The following NLRP1 variants were observed in gnomAD, a reference collection of about 807,000 sequenced individuals.
NLRP1 encodes NACHT, LRR and PYD domains-containing protein 1.
In NLRP1, 94 loss-of-function variants were observed where a neutral mutation model predicts 136.7. The ratio of observed to expected loss-of-function variants is 0.69; its 90% CI spans 0.58 to 0.82. The LOEUF (loss-of-function observed/expected upper bound fraction) is 0.82, where lower values mean the gene tolerates loss of function less well. Among genes scored for constraint, NLRP1 ranks in the 40% least tolerant of loss-of-function variants. The probability of loss-of-function intolerance (pLI) is 0.00; values close to 1 mark genes in which losing one functional copy is unlikely to be tolerated. For missense variants in NLRP1, 1,575 were observed against 1,802.7 expected, an observed-to-expected ratio of 0.87 and a Z score of 2.29; for synonymous variants, 690 against 725.1, an observed-to-expected ratio of 0.95 and a Z score of 0.78.
chr17:5,520,315 G>A (rs1371863785), intron 14 of NLRP1, among the ~76,000 whole-genome samples: 1 of 151,938 alleles, frequency 6.6e-6, no homozygotes, highest in Non-Finnish European at 1.5e-5. Context: ...CCTCTTTTTT[G>A]TCATCTGGAG....
chr17:5,506,180 A>C (rs2151727086), intron 15 of NLRP1, among the ~76,000 whole-genome samples: 1 of 151,824 alleles, frequency 6.6e-6, no homozygotes, highest in East Asian at 1.9e-4. Flanking sequence ...GCTACCCGAG[A>C]GGCTGAGGCA....
Position 5,530,703 on chromosome 17 carries a change from C to T in NLRP1, c.3298G>A (p.Val1100Ile). 6.2e-7 allele frequency: 1 copy of T among 1,613,254 alleles called. No individual in the cohort carries two copies. The highest frequency in any genetic ancestry group is 8.5e-7 in the Non-Finnish European group (1 of 1,179,504). The change falls in exon 12 of 17, where the codon GTT (valine) becomes ATT (isoleucine). Residue 1100 changes from valine (V) to isoleucine (I), a missense_variant and splice_region_variant. Val to Ile is a conservative substitution (Grantham distance 29, BLOSUM62 3). Transcript: ENST00000572272. Reference sequence around the variant, plus strand: ...TAGGAGCCAGCTACAGGGAAGTGAACTCTGGGAAGAAGAGGGAGAGGCAGA... The same window carrying T: ...TAGGAGCCAGCTACAGGGAAGTGAATTCTGGGAAGAAGAGGGAGAGGCAGA... The part of the protein sequence containing the change: ...VVDKEKNLYR[V>I]HFPVAGSYRW...
chr17:5,584,092 A>C lies in NLRP1; in HGVS notation c.-135T>G. On this transcript the variant is annotated 5_prime_UTR_variant, in exon 1 of 17. Transcript: ENST00000572272. ...CAGCATTCGGAACCCAGTTTTATAAATCCCAGGGCACCTACAGATAGACGC... is the reference window on the plus strand; with the variant it reads ...CAGCATTCGGAACCCAGTTTTATAACTCCCAGGGCACCTACAGATAGACGC... The C allele has an allele frequency of 1.2e-6, 1 of 849,922 alleles. No individual in the cohort carries two copies. Among genetic ancestry groups the C allele is most frequent in the Non-Finnish European group, 1.8e-6 (1 of 562,854 alleles). 52.6% of individuals were successfully genotyped at this position (849,922 alleles called of 1,614,324 possible).
intron 3 of NLRP1, among the ~76,000 whole-genome samples, chr17:5,573,136 A>G (rs75202830): frequency 5.5e-4 from 83 of 152,194 alleles, no homozygotes; most frequent in Non-Finnish European, 8.8e-4. Flanking sequence ...GCACTTTTCC[A>G]ACGGTCTTTG....
chr17:5,580,529 C>G (rs758220062), intron 3 of NLRP1, among the ~76,000 whole-genome samples: 12 of 151,976 alleles, frequency 7.9e-5, no homozygotes, highest in Non-Finnish European at 1.3e-4. Context: ...TATTGAGTAA[C>G]AGGTATTGTG....
chr17:5,537,857 G>C lies in NLRP1; in HGVS notation c.2871-917C>G, dbSNP rs1437650830. On this transcript the variant is annotated intron_variant, in intron 7 of 16. Coordinates refer to ENST00000572272, the MANE Select transcript of NLRP1 (RefSeq NM_033004.4). The surrounding 1 kb of genome is among the most constrained non-coding windows in gnomAD (Gnocchi z 4.5). Reference sequence around the variant, plus strand: ...AGCCATATCTGCCTGCCATGGCCAAGCTCTGGGGAAAGGCTCTTCAGCATA... The same window carrying C: ...AGCCATATCTGCCTGCCATGGCCAACCTCTGGGGAAAGGCTCTTCAGCATA... Among the ~76,000 whole-genome samples, 1 of 152,194 alleles carries C rather than the reference G, an allele frequency of 6.6e-6. No individual in the cohort carries two copies. Among genetic ancestry groups the C allele is most frequent in the African/African-American group, 2.4e-5 (1 of 41,442 alleles).
At position 5,530,344 on chromosome 17, in the gene NLRP1, T is replaced by C; in HGVS notation, c.3520+137A>G. 4.4e-6 allele frequency: 3 copies of C among 677,982 alleles called. No individual in the cohort carries two copies. The South Asian group carries it at 5.6e-5, about 13-fold the overall frequency. The allele number at this position is 677,982 out of a possible 1,614,324, so 42.0% of individuals were successfully genotyped here. A position where few individuals can be genotyped will look rare whatever the true frequency, so the allele number is the denominator to read the frequency against. On this transcript the variant is annotated intron_variant, in intron 12 of 16. Transcript: ENST00000572272. ...AGAAGAGTGGAATGCAGGAAAATCTTAGTCCCCATCTCCATAACCCCCCCT... is the reference window on the plus strand; with the variant it reads ...AGAAGAGTGGAATGCAGGAAAATCTCAGTCCCCATCTCCATAACCCCCCCT...
In NLRP1 at chr17:5,507,795, C is replaced by T. The variant is rs569497164; in HGVS notation, c.4070-5923G>A. Among the ~76,000 whole-genome samples the T allele has an allele frequency of 2.0e-5, 3 of 152,150 alleles. No individual in the cohort carries two copies. The East Asian group carries it at 5.8e-4, about 29-fold the overall frequency. ...GTAGTGAGCCGAGATTGCGCCACTG[C>T]ACCCCAACCTGGGCAACAAAGCGAG... On this transcript the variant is annotated intron_variant, in intron 15 of 15. Coordinates refer to the NLRP1 transcript ENST00000262467.
chr17:5,557,001 T>A (rs1452987063), intron 4 of NLRP1, among the ~76,000 whole-genome samples: 1 of 152,148 alleles, frequency 6.6e-6, no homozygotes, highest in African/African-American at 2.4e-5. Context: ...ATCTACGTTA[T>A]CTTTTGTTTG....
chr17:5,539,537 A>T lies in NLRP1; in HGVS notation c.2748T>A (p.Ser916=), dbSNP rs1484585978. The change falls in exon 7 of 17, where the codon TCT becomes TCA. Residue 916 remains serine, a synonymous_variant. Transcript: ENST00000572272. ...TCAGGCTGGGGCTGGCACTAAGCAC[A>T]GAGGCCAGGTCCTGGCAGCAGTCAG... is the stretch of plus-strand genomic sequence containing the variant. ...LTSDCCQDLA[S]VLSASPSLKE... 1.2e-6 allele frequency: 2 copies of T among 1,613,956 alleles called. No homozygotes were observed. The highest frequency in any genetic ancestry group is 4.5e-5 in the East Asian group (2 of 44,874).
At chr17:5,533,639 C>T (rs535622065) in intron 9 of NLRP1, among the ~76,000 whole-genome samples, 7 of 149,596 alleles carry the variant, frequency 4.7e-5, no homozygotes, top group South Asian at 2.1e-4. Context: ...TGGAAGAGGC[C>T]GGACCCCGGT....
chr17:5,523,695 A>G (rs781089352), intron 12 of NLRP1, among the ~76,000 whole-genome samples: 6 of 152,182 alleles, frequency 3.9e-5, no homozygotes, highest in African/African-American at 4.8e-5. Flanking sequence ...CCATCCCTGC[A>G]TTGCCTGGTA....
intron 3 of NLRP1, among the ~76,000 whole-genome samples, chr17:5,561,152 G>A (rs1914695250): frequency 6.6e-6 from 1 of 152,186 alleles, no homozygotes; most frequent in Non-Finnish European, 1.5e-5. Context: ...CGCCTCCCAG[G>A]GTCAAGCGAT....
rs1567647507 is a variant in NLRP1 at position 5,541,839 on chromosome 17, C to A, written c.2699+18G>T. The A allele has an allele frequency of 3.1e-6, 5 of 1,612,692 alleles. No homozygotes were observed. The highest frequency in any genetic ancestry group is 4.2e-6 in the Non-Finnish European group (5 of 1,179,490). On this transcript the variant is annotated intron_variant, in intron 6 of 16. Coordinates refer to ENST00000572272, the MANE Select transcript of NLRP1 (RefSeq NM_033004.4). The surrounding 1 kb of genome is among the most constrained non-coding windows in gnomAD (Gnocchi z 4.2). ...AGGCAGTTCCCTCCACCTCCCCCTGCCCACCAAGAACAATTACTGCAGTCG... is the reference window on the plus strand; with the variant it reads ...AGGCAGTTCCCTCCACCTCCCCCTGACCACCAAGAACAATTACTGCAGTCG...
At chr17:5,556,973 T>C (rs11653746) in intron 4 of NLRP1, among the ~76,000 whole-genome samples, 10,038 of 152,190 alleles carry the variant, frequency 0.066, 424 homozygotes, top group African/African-American at 0.11. Context: ...ATTGATACTA[T>C]TTTTCATCTT....
Position 5,583,794 on chromosome 17 carries a change from G to A in NLRP1, c.164C>T (p.Ser55Leu), listed in dbSNP as rs201750573. 6.9e-5 allele frequency: 108 copies of A among 1,556,684 alleles called. No homozygotes were observed. Among genetic ancestry groups the A allele is most frequent in the Non-Finnish European group, 7.6e-5 (87 of 1,149,496 alleles). ...CTCCCCATACTGAGCCACCAGGTACGAGGCCACCTCCATGCCACTCGTCTT... is the reference window on the plus strand; with the variant it reads ...CTCCCCATACTGAGCCACCAGGTACAAGGCCACCTCCATGCCACTCGTCTT... ...PEKTSGMEVASYLVAQYGEQR... is the reference protein window; with the variant it reads ...PEKTSGMEVALYLVAQYGEQR... Residue 55 changes from serine (S) to leucine (L), a missense_variant, in exon 1 of 17, where the codon TCG (serine) becomes TTG (leucine). Ser to Leu is a moderately radical substitution (Grantham distance 145). Coordinates refer to ENST00000572272, the MANE Select transcript of NLRP1 (RefSeq NM_033004.4). The surrounding 1 kb of genome is among the most constrained non-coding windows in gnomAD (Gnocchi z 4.5).
intron 5 of NLRP1, among the ~76,000 whole-genome samples, chr17:5,543,854 A>G (rs1436901984): frequency 1.3e-5 from 2 of 152,076 alleles, no homozygotes; most frequent in Non-Finnish European, 2.9e-5. Context: ...AGCTGCTGTC[A>G]CTTACTGAGA....
In NLRP1 at chr17:5,537,094, G is replaced by T. The variant is rs1354462676; in HGVS notation, c.2871-154C>A. On this transcript the variant is annotated intron_variant, in intron 7 of 16. Coordinates refer to ENST00000572272, the MANE Select transcript of NLRP1 (RefSeq NM_033004.4). This position sits in a 1 kb window ranked among gnomAD's most constrained non-coding sequence, Gnocchi z 4.5. ...GCTCTGAGGAGGAGGGTACAGTGAG[G>T]AGATTCATTAGGGTGTGTTCTTGGG... Among the ~76,000 whole-genome samples the T allele has an allele frequency of 6.6e-6, 1 of 152,236 alleles. No individual in the cohort carries two copies.
chr17:5,518,999 C>T (rs969884778), intron 14 of NLRP1, among the ~76,000 whole-genome samples: 29 of 151,778 alleles, frequency 1.9e-4, no homozygotes, highest in Non-Finnish European at 3.2e-4. Context: ...TCACCACTCC[C>T]GGCTAATTTT....
Sources: allele counts gnomAD v4.1 joint callset (sites outside exome capture counted in the v4.1 genomes callset), GRCh38; gene constraint gnomAD v4.1.1; non-coding constraint Gnocchi (gnomAD v3.1); transcripts MANE v1.5; gene names NCBI Gene and HGNC (gene_info 2026-07-23, HGNC 2026-07-21).